ADCY2: variants seen among roughly 807,000 people sequenced by gnomAD.
The protein encoded by ADCY2 is adenylate cyclase 2, also known as adenylate cyclase type 2.
Under a neutral mutation model 125.2 loss-of-function variants are expected in ADCY2, and 31 were observed. The ratio of observed to expected loss-of-function variants is 0.25; its 90% CI spans 0.19 to 0.33. ADCY2 has a LOEUF of 0.33. ADCY2 is among the 10% of genes least tolerant of loss of function. The pLI, the probability that ADCY2 is intolerant of heterozygous loss-of-function variation, is 1.00. For missense variants in ADCY2, 904 were observed against 1,418.2 expected, an observed-to-expected ratio of 0.64 and a Z score of 5.82; for synonymous variants, 512 against 548.4, an observed-to-expected ratio of 0.93 and a Z score of 0.93.
intron 19 of ADCY2, among the ~76,000 whole-genome samples, chr5:7,787,678 GTAGGTAGATAGA>G (rs375364613): frequency 3.3e-4 from 44 of 132,660 alleles, no homozygotes; most frequent in South Asian, 2.3e-4. Flanking sequence ...AGAAAGGTAG[GTAGGTAGATAGA>G]TAGGTAGATA....
Position 7,542,310 on chromosome 5 carries a change from A to G in ADCY2, c.570+21411A>G, listed in dbSNP as rs16878776. Reference sequence around the variant, plus strand: ...TGGGGATGAGTTTTATTTTTGTCACAGGGTCCATAACTGGGTTATACTTTA... The same window carrying G: ...TGGGGATGAGTTTTATTTTTGTCACGGGGTCCATAACTGGGTTATACTTTA... On this transcript the variant is annotated intron_variant, in intron 3 of 24. Transcript: ENST00000338316. Among the ~76,000 whole-genome samples the G allele has an allele frequency of 5.3e-3, 801 of 152,152 alleles. 8 individuals carry two copies. Among genetic ancestry groups the G allele is most frequent in the African/African-American group, 0.019 (771 of 41,478 alleles).
intron 2 of ADCY2, among the ~76,000 whole-genome samples, chr5:7,511,742 A>T (rs971999405): frequency 2.6e-5 from 4 of 152,048 alleles, no homozygotes; most frequent in Admixed American, 6.6e-5. Flanking sequence ...TGGGGCAGAA[A>T]AACAACCACT....
At chr5:7,772,079 A>G (rs74631614) in intron 17 of ADCY2, among the ~76,000 whole-genome samples, 5,500 of 152,258 alleles carry the variant, frequency 0.036, 321 homozygotes, top group African/African-American at 0.13. Flanking sequence ...GTTGTTTTCA[A>G]TGACCTACAA....
intron 22 of ADCY2, among the ~76,000 whole-genome samples, chr5:7,807,252 C>T (rs1041419442): frequency 1.2e-4 from 18 of 152,196 alleles, no homozygotes; most frequent in African/African-American, 4.1e-4. Context: ...AGAAAAGTCT[C>T]CAGGTCTTTT....
At chr5:7,638,459 T>A (rs1738581325) in intron 4 of ADCY2, among the ~76,000 whole-genome samples, 1 of 152,154 alleles carries the variant, frequency 6.6e-6, no homozygotes, top group South Asian at 2.1e-4. Context: ...TTTCTGTTCC[T>A]TCAGGGCAGG....
intron 20 of ADCY2, chr5:7,801,606 A>G (rs960770610): frequency 2.0e-5 from 3 of 152,266 alleles, no homozygotes; most frequent in Non-Finnish European, 2.9e-5. Context: ...TTGTGTTTAC[A>G]AGACACTGCA....
intron 4 of ADCY2, among the ~76,000 whole-genome samples, chr5:7,678,405 A>G (rs1740205556): frequency 6.6e-6 from 1 of 152,184 alleles, no homozygotes; most frequent in Admixed American, 6.5e-5. Context: ...CAGATATCAG[A>G]AGACCTTTGA....
intron 2 of ADCY2, among the ~76,000 whole-genome samples, chr5:7,480,184 C>T (rs1387335807): frequency 6.6e-6 from 1 of 152,132 alleles, no homozygotes; most frequent in Non-Finnish European, 1.5e-5. Context: ...ATGAGTTCAA[C>T]CACTGTGGAA....
intron 2 of ADCY2, among the ~76,000 whole-genome samples, chr5:7,480,568 A>T (rs931371336): frequency 6.6e-6 from 1 of 152,212 alleles, no homozygotes; most frequent in Non-Finnish European, 1.5e-5. Flanking sequence ...ACATGGACAC[A>T]TAGAGGGGAA....
chr5:7,549,754 G>A (rs938139263), intron 3 of ADCY2, among the ~76,000 whole-genome samples: 1 of 152,110 alleles, frequency 6.6e-6, no homozygotes, highest in African/African-American at 2.4e-5. Context: ...CATTGTGCAG[G>A]AACATGAGAT....
intron 18 of ADCY2, among the ~76,000 whole-genome samples, chr5:7,775,374 C>G (rs1743687555): frequency 6.6e-6 from 1 of 151,852 alleles, no homozygotes; most frequent in African/African-American, 2.4e-5. Flanking sequence ...AGCCACAGCG[C>G]CTGGCCTCTT....
intron 4 of ADCY2, among the ~76,000 whole-genome samples, chr5:7,676,640 T>C (rs148668826): frequency 7.5e-4 from 114 of 152,338 alleles, no homozygotes; most frequent in African/African-American, 2.7e-3. Flanking sequence ...GTCTTGTTTG[T>C]TTTAAGGCAT....
intron 2 of ADCY2, among the ~76,000 whole-genome samples, chr5:7,495,472 C>A (rs1743312290): frequency 6.6e-6 from 1 of 152,120 alleles, no homozygotes; most frequent in South Asian, 2.1e-4. Flanking sequence ...GAATAGCAGA[C>A]CTTAATATCA....
intron 12 of ADCY2, among the ~76,000 whole-genome samples, chr5:7,721,368 G>A (rs1382555466): frequency 6.6e-6 from 1 of 152,198 alleles, no homozygotes; most frequent in Non-Finnish European, 1.5e-5. Context: ...TCTGATGGTA[G>A]TTTCTTTTGC....
At chr5:7,432,924 A>T (rs4994330) in intron 2 of ADCY2, among the ~76,000 whole-genome samples, 1 of 18,080 alleles carries the variant, frequency 5.5e-5, no homozygotes, top group Non-Finnish European at 1.4e-4. Flanking sequence ...GTACTGCATG[A>T]TGTACTGCTT....
At chr5:7,817,189 G>A (rs143120245) in intron 23 of ADCY2, among the ~76,000 whole-genome samples, 244 of 152,082 alleles carry the variant, frequency 1.6e-3, no homozygotes, top group Non-Finnish European at 2.4e-3. Context: ...CCTGCACTCA[G>A]TCAAGGTCGC....
At chr5:7,528,942 A>G (rs1378033411) in intron 3 of ADCY2, among the ~76,000 whole-genome samples, 4 of 152,224 alleles carry the variant, frequency 2.6e-5, no homozygotes, top group South Asian at 2.1e-4. Flanking sequence ...AGCATCCCCA[A>G]TGAGAGTCAC....
At chr5:7,811,881 A>T (rs1054269088) in intron 22 of ADCY2, among the ~76,000 whole-genome samples, 3 of 152,096 alleles carry the variant, frequency 2.0e-5, no homozygotes, top group African/African-American at 4.8e-5. Flanking sequence ...CCCGAGGACC[A>T]CTCCGAGTTA....
At chr5:7,759,816 G>A (rs947570572) in intron 16 of ADCY2, among the ~76,000 whole-genome samples, 5 of 151,688 alleles carry the variant, frequency 3.3e-5, no homozygotes, top group African/African-American at 1.2e-4. Flanking sequence ...AAACGCCAGG[G>A]CTCAGGTGGA....
Sources: allele counts gnomAD v4.1 joint callset (sites outside exome capture counted in the v4.1 genomes callset), GRCh38; gene constraint gnomAD v4.1.1; transcripts MANE v1.5; gene names NCBI Gene and HGNC (gene_info 2026-07-23, HGNC 2026-07-21).